The following CHAT variants were observed in gnomAD, a reference collection of about 807,000 sequenced individuals.
CHAT encodes choline O-acetyltransferase.
A neutral mutation model predicts 76.9 loss-of-function variants in CHAT; 61 were observed. The ratio of observed to expected loss-of-function variants is 0.79; its 90% CI spans 0.65 to 0.98. The LOEUF is 0.98. Among genes scored for constraint, CHAT ranks in the 50% least tolerant of loss-of-function variants. CHAT has a pLI of 0.00. For synonymous variants in CHAT, 407 were observed against 397.4 expected, an observed-to-expected ratio of 1.02 and a Z score of -0.29; for missense variants, 946 against 986.9, an observed-to-expected ratio of 0.96 and a Z score of 0.56.
intron 7 of CHAT, among the ~76,000 whole-genome samples, chr10:49,644,649 G>A (rs1839600177): frequency 6.6e-6 from 1 of 152,120 alleles, no homozygotes; most frequent in South Asian, 2.1e-4. Context: ...CCCAAGGCTA[G>A]GCTGGCTTCC....
At chr10:49,649,413 C>T (rs1212318430) in intron 9 of CHAT, 95 bp from the exon 10 acceptor site, 24 of 1,578,202 alleles carry the variant, frequency 1.5e-5, no homozygotes, top group Non-Finnish European at 1.8e-5. Context: ...TGGCCGCAAA[C>T]ACTGACAGCT....
chr10:49,610,826 G>A (rs1471793352), upstream of CHAT: 4 of 1,607,368 alleles, frequency 2.5e-6, no homozygotes, highest in African/African-American at 1.3e-5. Context: ...CAGGAGCCCC[G>A]GCGGCAGAGG....
At chr10:49,634,605 C>T (rs999930922) in intron 7 of CHAT, among the ~76,000 whole-genome samples, 1 of 152,246 alleles carries the variant, frequency 6.6e-6, no homozygotes, top group Non-Finnish European at 1.5e-5. Flanking sequence ...CTGGGCTCCT[C>T]TCTTTACCTT....
In CHAT at chr10:49,653,191, G is replaced by A. The variant is rs185085591; in HGVS notation, c.1634+1185G>A. ...CGGGAGGTTTAGCCAGAAGTGGTCC[G>A]GCCAGGTCTGGGATTTAGACCTGGT... On this transcript the variant is annotated intron_variant, in intron 11 of 14. Coordinates refer to ENST00000337653, the MANE Select transcript of CHAT (RefSeq NM_020549.5). 3.7e-4 allele frequency among the ~76,000 whole-genome samples: 57 copies of A among 152,112 alleles called. No individual in the cohort carries two copies. In the East Asian group the frequency reaches 6.0e-3, roughly 16 times the overall value.
chr10:49,643,562 C>T lies in CHAT; in HGVS notation c.1112-2943C>T, dbSNP rs376186462. ...AGCACTATGGCCATCTGCAGGGATG[C>T]CTAAGGAGGGGAGAAGGGCAGAGCA... On this transcript the variant is annotated intron_variant, in intron 7 of 14. Coordinates refer to ENST00000337653, the MANE Select transcript of CHAT (RefSeq NM_020549.5). Among the ~76,000 whole-genome samples, 32 of 152,276 alleles carry T rather than the reference C, an allele frequency of 2.1e-4. No homozygotes were observed. In the South Asian group the frequency reaches 6.0e-3, roughly 29 times the overall value.
At chr10:49,619,998 A>T in intron 3 of CHAT, 82 bp downstream of exon 3, 1 of 1,403,268 alleles carries the variant, frequency 7.1e-7, no homozygotes, top group Non-Finnish European at 9.8e-7. Context: ...AGAGGCAGGT[A>T]GGGGACAAAG....
upstream of CHAT, chr10:49,611,533 C>T (rs781080897): frequency 1.2e-6 from 2 of 1,602,928 alleles, no homozygotes; most frequent in South Asian, 1.1e-5. Context: ...AGTGGCCAAA[C>T]CCTTCTCGGC....
intron 7 of CHAT, among the ~76,000 whole-genome samples, chr10:49,643,384 C>T (rs1054495432): frequency 2.0e-5 from 3 of 152,212 alleles, no homozygotes; most frequent in Non-Finnish European, 2.9e-5. Context: ...CCATCCACCA[C>T]CCTGCACTAC....
rs1838402220 is a variant in CHAT at position 49,614,417 on chromosome 10, C to G, written c.228C>G (p.Ala76=). Residue 76 remains alanine, a synonymous_variant, in exon 1 of 15, where the codon GCC becomes GCG. Transcript: ENST00000337653. ...RPPPLPAHTP[A]HTPEWCGAAS... ...CACCCCTTCCGGCTCACACCCCCGCCCACACTCCTGAGTGGTGCGGTGCAG... is the reference window on the plus strand; with the variant it reads ...CACCCCTTCCGGCTCACACCCCCGCGCACACTCCTGAGTGGTGCGGTGCAG... The G allele has an allele frequency of 1.3e-6, 2 of 1,547,430 alleles. No individual in the cohort carries two copies. Among genetic ancestry groups the G allele is most frequent in the Non-Finnish European group, 1.7e-6 (2 of 1,146,564 alleles).
intron 1 of CHAT, 120 bp downstream of exon 1, chr10:49,614,595 T>C: frequency 1.1e-6 from 1 of 896,662 alleles, no homozygotes; most frequent in Non-Finnish European, 1.7e-6. Flanking sequence ...TGGAGTCCTC[T>C]GAGTCCTGCG....
Position 49,625,636 on chromosome 10 carries a change from G to A in CHAT, c.916G>A (p.Val306Ile), listed in dbSNP as rs551219437. ...SIMPEPEHVI[V>I]ACCNQFFVLD... ...CATGCCGGAGCCTGAGCACGTCATC[G>A]TAGCCTGCTGCAATCAGGTAAGCAA... The change falls in exon 6 of 15, where the codon GTA (valine) becomes ATA (isoleucine). Residue 306 changes from valine (V) to isoleucine (I), a missense_variant. Val to Ile is a conservative substitution (Grantham distance 29). Around this residue, in one of 3 missense-constraint regions of CHAT, gnomAD observed 548 missense variants for 516.2 expected, o/e 1.06. Coordinates refer to ENST00000337653, the MANE Select transcript of CHAT (RefSeq NM_020549.5). 8.2e-5 allele frequency: 129 copies of A among 1,574,434 alleles called. 2 individuals carry two copies. The South Asian group carries it at 1.2e-3, about 15-fold the overall frequency.
chr10:49,612,781 G>A, upstream of CHAT: 1 of 171,022 alleles, frequency 5.8e-6, no homozygotes, highest in Non-Finnish European at 1.2e-5. Context: ...GCAGAGGGGA[G>A]GGTGAACTGG....
intron 13 of CHAT, among the ~76,000 whole-genome samples, chr10:49,660,139 G>T (rs548294271): frequency 6.6e-6 from 1 of 152,084 alleles, no homozygotes; most frequent in Admixed American, 6.5e-5. Flanking sequence ...GGGGAGCAGG[G>T]TCATAAAAGA....
chr10:49,632,800 C>T (rs1251426056), intron 7 of CHAT, among the ~76,000 whole-genome samples: 3 of 152,238 alleles, frequency 2.0e-5, no homozygotes, highest in South Asian at 4.1e-4. Context: ...TAGCCTGACC[C>T]TCTGCCACGA....
chr10:49,615,952 C>T (rs1342442034), intron 1 of CHAT: 3 of 1,323,668 alleles, frequency 2.3e-6, no homozygotes, highest in Admixed American at 1.7e-5. Context: ...AGCCCAGATG[C>T]ATCCTGGAGC....
upstream of CHAT, among the ~76,000 whole-genome samples, chr10:49,613,472 C>A (rs1165885541): frequency 6.6e-6 from 1 of 152,158 alleles, no homozygotes; most frequent in Non-Finnish European, 1.5e-5. Flanking sequence ...TCCCGAAGAC[C>A]GTAGTCTGAT....
At chr10:49,618,484 G>A (rs1258032964) in intron 2 of CHAT, among the ~76,000 whole-genome samples, 1 of 152,192 alleles carries the variant, frequency 6.6e-6, no homozygotes, top group African/African-American at 2.4e-5. Flanking sequence ...GGGACAAGAA[G>A]AGGAAACGAA....
At position 49,667,238 on chromosome 10, in the gene CHAT, T is replaced by A. The variant is rs1393010999; in HGVS notation, c.*2192T>A. On this transcript the variant is annotated 3_prime_UTR_variant, in exon 15 of 15. Transcript: ENST00000337653. Reference sequence around the variant, plus strand: ...GAGGAAAGAACTAAGTCTCTCCTAGTCTATGGCATGCTATCATGGGGTCAA... The same window carrying A: ...GAGGAAAGAACTAAGTCTCTCCTAGACTATGGCATGCTATCATGGGGTCAA... 1.3e-5 allele frequency among the ~76,000 whole-genome samples: 2 copies of A among 152,090 alleles called. No individual in the cohort carries two copies. Among genetic ancestry groups the A allele is most frequent in the Non-Finnish European group, 2.9e-5 (2 of 68,006 alleles).
chr10:49,626,567 C>T (rs1183740162), intron 6 of CHAT, among the ~76,000 whole-genome samples: 3 of 152,092 alleles, frequency 2.0e-5, no homozygotes, highest in East Asian at 1.9e-4. Context: ...TAGGAGCTCT[C>T]GCAGCCCACC....
Sources: gnomAD v4.1 joint callset for allele counts (sites outside exome capture counted in the v4.1 genomes callset) on GRCh38, gnomAD v4.1.1 for gene constraint, gnomAD v4.1.1 regional missense constraint, MANE v1.5 for transcripts, NCBI Gene and HGNC (gene_info 2026-07-23, HGNC 2026-07-21) for gene names.